Variants in TIAM2 observed in about 807,000 individuals in gnomAD.
TIAM2 encodes the protein rho guanine nucleotide exchange factor TIAM2.
In TIAM2, 80 loss-of-function variants were observed where a neutral mutation model predicts 152.9. The observed-to-expected ratio is 0.52, with a 90% CI of 0.44 to 0.63. The LOEUF (loss-of-function observed/expected upper bound fraction) is 0.63, where lower values mean the gene tolerates loss of function less well. Among genes scored for constraint, TIAM2 ranks in the 30% least tolerant of loss-of-function variants. The pLI is 0.00. For missense variants in TIAM2, 1,965 were observed against 2,120.1 expected (o/e 0.93, Z 1.44); for synonymous variants, 804 against 838.0 (o/e 0.96, Z 0.70).
At chr6:155,146,056 T>C (rs1253867589) in intron 6 of TIAM2, among the ~76,000 whole-genome samples, 3 of 152,158 alleles carry the variant, frequency 2.0e-5, no homozygotes, top group Admixed American at 1.3e-4. Context: ...GGGTCAAGTG[T>C]GAAATGAATG....
intron 1 of TIAM2, among the ~76,000 whole-genome samples, chr6:155,028,537 A>G (rs901576768): frequency 7.2e-5 from 10 of 139,292 alleles, no homozygotes; most frequent in Non-Finnish European, 1.4e-4. Context: ...ATACTGTGTT[A>G]CATATATACT....
chr6:155,236,249 A>T (rs1782751629), intron 15 of TIAM2, among the ~76,000 whole-genome samples: 1 of 151,860 alleles, frequency 6.6e-6, no homozygotes. Context: ...GGGACAGGTG[A>T]TCCCACTGGA....
chr6:155,130,312 C>CA lies in TIAM2; in HGVS notation c.1092dup (p.Ala365SerfsTer4). 6.2e-7 allele frequency: 1 copy of CA among 1,614,108 alleles called. No individual in the cohort carries two copies. The highest frequency in any genetic ancestry group is 8.5e-7 in the Non-Finnish European group (1 of 1,180,036). On this transcript the variant is annotated frameshift_variant, in exon 4 of 27. Coordinates refer to ENST00000682666, the MANE Select transcript of TIAM2 (RefSeq NM_012454.4). LOFTEE classifies it high-confidence loss of function. Reference sequence around the variant, plus strand: ...CCTTCACTCTCCCCTGTCGGAAGCCCAAAGCCTTTGTTGAGGATACTGCGA... The same window carrying CA: ...CCTTCACTCTCCCCTGTCGGAAGCCCAAAAGCCTTTGTTGAGGATACTGCGA...
chr6:155,109,227 G>A (rs893585004), intron 2 of TIAM2, among the ~76,000 whole-genome samples: 4 of 152,002 alleles, frequency 2.6e-5, no homozygotes, highest in African/African-American at 7.2e-5. Context: ...GTCATGATCC[G>A]CCCGCCTCGG....
At chr6:155,163,240 C>T (rs776414982) in intron 7 of TIAM2, among the ~76,000 whole-genome samples, 2 of 152,180 alleles carry the variant, frequency 1.3e-5, no homozygotes, top group African/African-American at 2.4e-5. Context: ...TGATTACAAG[C>T]GTTCACTTAC....
chr6:155,166,375 A>G (rs538078305), intron 9 of TIAM2, among the ~76,000 whole-genome samples: 1 of 150,366 alleles, frequency 6.7e-6, no homozygotes, highest in East Asian at 2.0e-4. Context: ...CCAGGCTGGA[A>G]TGTAGTGGTG....
At chr6:155,176,056 G>A (rs1269707624) in intron 9 of TIAM2, among the ~76,000 whole-genome samples, 2 of 152,206 alleles carry the variant, frequency 1.3e-5, no homozygotes, top group Non-Finnish European at 2.9e-5. Context: ...TGGATTAAGT[G>A]CAGTTCAGAG....
At chr6:155,146,460 G>A (rs942096050) in intron 6 of TIAM2, among the ~76,000 whole-genome samples, 2 of 152,118 alleles carry the variant, frequency 1.3e-5, no homozygotes, top group Non-Finnish European at 2.9e-5. Flanking sequence ...CCTGTGACTC[G>A]AATGTGTGTG....
At chr6:155,113,416 T>C (rs1778908757) in intron 2 of TIAM2, among the ~76,000 whole-genome samples, 1 of 152,120 alleles carries the variant, frequency 6.6e-6, no homozygotes, top group African/African-American at 2.4e-5. Context: ...GCTTATCACC[T>C]CCTAAAAGAA....
At chr6:155,195,530 A>G (rs1270045891) in intron 14 of TIAM2, among the ~76,000 whole-genome samples, 1 of 152,244 alleles carries the variant, frequency 6.6e-6, no homozygotes, top group Non-Finnish European at 1.5e-5. Flanking sequence ...CACAGCAGGT[A>G]AAAAAGCATC....
intron 1 of TIAM2, among the ~76,000 whole-genome samples, chr6:155,016,666 A>G (rs577885952): frequency 6.6e-6 from 1 of 152,072 alleles, no homozygotes; most frequent in South Asian, 2.1e-4. Flanking sequence ...TAGGAGGCCA[A>G]GGCGGGTGGA....
At chr6:155,005,707 G>A (rs1778389865) in intron 1 of TIAM2, among the ~76,000 whole-genome samples, 1 of 150,566 alleles carries the variant, frequency 6.6e-6, no homozygotes, top group Non-Finnish European at 1.5e-5. Flanking sequence ...CTAGGCTGGA[G>A]TGCAATGGTG....
In TIAM2 at chr6:155,183,328, G is replaced by T; in HGVS notation, c.2892G>T (p.Lys964Asn). ...AGATGGAGGCCCTGTTTTCTGAGAA[G>T]AGCGTCGGACTCACTCTGATTGCCC... ...LKQMEALFSE[K>N]SVGLTLIARP... Residue 964 changes from lysine (K) to asparagine (N), a missense_variant, in exon 14 of 27, where the codon AAG (lysine) becomes AAT (asparagine). Physicochemically the swap from Lys to Asn is moderately conservative, Grantham distance 94. Coordinates refer to ENST00000682666, the MANE Select transcript of TIAM2 (RefSeq NM_012454.4). The T allele has an allele frequency of 6.2e-7, 1 of 1,614,170 alleles. No individual in the cohort carries two copies. The highest frequency in any genetic ancestry group is 8.5e-7 in the Non-Finnish European group (1 of 1,180,040).
chr6:155,058,045 G>T (rs542138728), intron 1 of TIAM2, among the ~76,000 whole-genome samples: 9 of 151,968 alleles, frequency 5.9e-5, no homozygotes, highest in Non-Finnish European at 1.3e-4. Context: ...TTTGACCATT[G>T]GAGCTCTTTC....
chr6:155,170,341 G>A (rs1326197838), intron 9 of TIAM2, among the ~76,000 whole-genome samples: 1 of 151,568 alleles, frequency 6.6e-6, no homozygotes, highest in Non-Finnish European at 1.5e-5. Context: ...TACTTTGAAA[G>A]TTAAGAGGCC....
chr6:155,217,838 GAAAA>G (rs904031412), intron 15 of TIAM2, among the ~76,000 whole-genome samples: 8 of 151,856 alleles, frequency 5.3e-5, no homozygotes, highest in South Asian at 2.1e-4. Flanking sequence ...TTTCTAGGCA[GAAAA>G]AAAAGAACGT....
chr6:155,210,583 C>G lies in TIAM2; in HGVS notation c.3065-621C>G, dbSNP rs146510555. Among the ~76,000 whole-genome samples the G allele has an allele frequency of 3.8e-3, 579 of 152,166 alleles. 2 individuals are homozygous for G. Among genetic ancestry groups the G allele is most frequent in the Non-Finnish European group, 5.2e-3 (354 of 68,002 alleles). On this transcript the variant is annotated intron_variant, in intron 14 of 26. Coordinates refer to ENST00000682666, the MANE Select transcript of TIAM2 (RefSeq NM_012454.4). Reference sequence around the variant, plus strand: ...AACTCCTGGTCTTAAGTGATTCTCTCGCCTTGGCCTCCCACAGGCCTGAGA... The same window carrying G: ...AACTCCTGGTCTTAAGTGATTCTCTGGCCTTGGCCTCCCACAGGCCTGAGA...
chr6:155,238,405 G>C (rs1209745550), intron 15 of TIAM2, among the ~76,000 whole-genome samples: 1 of 152,194 alleles, frequency 6.6e-6, no homozygotes, highest in African/African-American at 2.4e-5. Context: ...ACCTCTGCCT[G>C]TTACCCAGCT....
intron 1 of TIAM2, among the ~76,000 whole-genome samples, chr6:155,011,898 G>T (rs559455232): frequency 2.0e-5 from 3 of 152,180 alleles, no homozygotes; most frequent in African/African-American, 7.2e-5. Context: ...CAGATGGTGC[G>T]TAGCTACTGT....
Sources: allele counts gnomAD v4.1 joint callset (sites outside exome capture counted in the v4.1 genomes callset), GRCh38; gene constraint gnomAD v4.1.1; transcripts MANE v1.5; gene names NCBI Gene and HGNC (gene_info 2026-07-23, HGNC 2026-07-21).